CNOT2: variants seen among roughly 807,000 people sequenced by gnomAD.
The protein encoded by CNOT2 is CC chemokine receptor 4-negative regulator of transcription 2.
In CNOT2, 7 loss-of-function variants were observed where a neutral mutation model predicts 72.1. That is an observed-to-expected ratio of 0.10 (90% CI 0.06 to 0.18). The LOEUF (loss-of-function observed/expected upper bound fraction) is 0.18. CNOT2 is among the 10% of genes least tolerant of loss of function. The pLI is 1.00. For synonymous variants in CNOT2, 196 were observed against 225.6 expected (o/e 0.87, Z 1.17); for missense variants, 345 against 660.3 (o/e 0.52, Z 5.23).
chr12:70,353,479 CTTTAT>C (rs1407533101), intron 15 of CNOT2, among the ~76,000 whole-genome samples: 1 of 152,032 alleles, frequency 6.6e-6, no homozygotes, highest in Non-Finnish European at 1.5e-5. Flanking sequence ...TTGAAGGGGG[CTTTAT>C]TTTAAATATC....
intron 1 of CNOT2, among the ~76,000 whole-genome samples, chr12:70,250,929 A>G (rs545464681): frequency 6.1e-4 from 93 of 152,274 alleles, no homozygotes; most frequent in African/African-American, 2.1e-3. Flanking sequence ...TAGGTTTTAC[A>G]AAGAGCAATA....
intron 2 of CNOT2, chr12:70,294,005 C>T (rs1872414109): frequency 1.6e-6 from 1 of 632,176 alleles, no homozygotes; most frequent in African/African-American, 2.0e-5. Context: ...AAGAGGTGAA[C>T]AGGGAGTCAT....
At position 70,354,011 on chromosome 12, in the gene CNOT2, G is replaced by A; in HGVS notation, c.*96G>A. 5 of 1,480,618 alleles carry A rather than the reference G, an allele frequency of 3.4e-6. No homozygotes were observed. The South Asian group carries it at 5.7e-5, about 17-fold the overall frequency. The allele number at this position is 1,480,618 out of a possible 1,614,324, so 91.7% of individuals were successfully genotyped here. A position where few individuals can be genotyped will look rare whatever the true frequency, so the allele number is the denominator to read the frequency against. On this transcript the variant is annotated 3_prime_UTR_variant, in exon 16 of 16. Transcript: ENST00000229195. ...TAACTGCAGAACTGATGTGGCTCAG[G>A]CACCCTGGTTTTAATTCCTTGAGGA...
At chr12:70,249,505 C>T (rs1379970909) in intron 1 of CNOT2, among the ~76,000 whole-genome samples, 2 of 151,880 alleles carry the variant, frequency 1.3e-5, no homozygotes, top group Admixed American at 6.6e-5. Flanking sequence ...AGACTGGACT[C>T]AGAGTCTAAT....
At chr12:70,342,860 G>A (rs1881687757) in intron 13 of CNOT2, among the ~76,000 whole-genome samples, 1 of 151,936 alleles carries the variant, frequency 6.6e-6, no homozygotes, top group Non-Finnish European at 1.5e-5. Context: ...TATTCACAAT[G>A]GTACCTAAAT....
intron 2 of CNOT2, among the ~76,000 whole-genome samples, chr12:70,279,539 G>T (rs1869450392): frequency 6.6e-6 from 1 of 152,124 alleles, no homozygotes; most frequent in African/African-American, 2.4e-5. Flanking sequence ...CTAATGATCT[G>T]TACTCAGGTG....
chr12:70,301,584 G>C (rs188589606), intron 2 of CNOT2: 2 of 152,240 alleles, frequency 1.3e-5, no homozygotes. Flanking sequence ...ACTTGATCAT[G>C]GTGGATAAGC....
intron 4 of CNOT2, among the ~76,000 whole-genome samples, chr12:70,326,845 T>C (rs1244327929): frequency 2.0e-5 from 3 of 151,902 alleles, no homozygotes; most frequent in Non-Finnish European, 2.9e-5. Flanking sequence ...TTTGTGAAGA[T>C]TAATTTTAGA....
chr12:70,307,210 A>T (rs1473982972), intron 2 of CNOT2, among the ~76,000 whole-genome samples: 1 of 152,180 alleles, frequency 6.6e-6, no homozygotes, highest in Non-Finnish European at 1.5e-5. Flanking sequence ...TTCATTCTCG[A>T]ATAATGAGTT....
In CNOT2 at chr12:70,318,771, A is replaced by G. The variant is rs549498775; in HGVS notation, c.172-527A>G. Among the ~76,000 whole-genome samples, 17 of 152,000 alleles carry G rather than the reference A, an allele frequency of 1.1e-4. No homozygotes were observed. The South Asian group carries it at 3.5e-3, about 32-fold the overall frequency. Reference sequence around the variant, plus strand: ...AATATAAGACAGGAAATACGCAAATATGCACACACACATATTTTCATTTAC... The same window carrying G: ...AATATAAGACAGGAAATACGCAAATGTGCACACACACATATTTTCATTTAC... On this transcript the variant is annotated intron_variant, in intron 3 of 15. Coordinates refer to ENST00000229195, the MANE Select transcript of CNOT2 (RefSeq NM_014515.7).
At chr12:70,305,382 C>T (rs1043484901) in intron 2 of CNOT2, among the ~76,000 whole-genome samples, 1 of 152,180 alleles carries the variant, frequency 6.6e-6, no homozygotes, top group Non-Finnish European at 1.5e-5. Flanking sequence ...ATTCAGTCAC[C>T]TCCCACGGGG....
At chr12:70,334,386 G>A (rs1313225292) in intron 7 of CNOT2, 1 of 151,974 alleles carries the variant, frequency 6.6e-6, no homozygotes, top group Non-Finnish European at 1.5e-5. Flanking sequence ...ATTTGAAATT[G>A]TCACCTGTCT....
At chr12:70,254,412 G>A (rs1958318957) in intron 1 of CNOT2, among the ~76,000 whole-genome samples, 1 of 152,102 alleles carries the variant, frequency 6.6e-6, no homozygotes, top group African/African-American at 2.4e-5. Context: ...CATGTCCCAG[G>A]TGGGATGGAG....
intron 14 of CNOT2, 110 bp downstream of exon 14, chr12:70,344,338 G>T (rs923090851): frequency 1.5e-6 from 1 of 656,578 alleles, no homozygotes; most frequent in Admixed American, 2.7e-5. Context: ...TCTCCATCAA[G>T]AAATTTATTT....
chr12:70,296,764 C>T (rs900136701), intron 2 of CNOT2, among the ~76,000 whole-genome samples: 3 of 148,552 alleles, frequency 2.0e-5, no homozygotes, highest in Non-Finnish European at 3.0e-5. Flanking sequence ...TAAGCCCCCC[C>T]CCCTTTTTAA....
At chr12:70,251,347 T>TG (rs1430584749) in intron 1 of CNOT2, among the ~76,000 whole-genome samples, 1 of 151,558 alleles carries the variant, frequency 6.6e-6, no homozygotes, top group Non-Finnish European at 1.5e-5. Flanking sequence ...GTTAACTAGG[T>TG]GGGGGAGGGT....
At chr12:70,332,725 G>A in intron 6 of CNOT2, 42 bp from the exon 7 acceptor site, 2 of 1,550,566 alleles carry the variant, frequency 1.3e-6, no homozygotes, top group Non-Finnish European at 1.7e-6. Context: ...CTGAAAGTTA[G>A]TGTTCTTACT....
chr12:70,286,377 A>G (rs939061754), intron 2 of CNOT2, among the ~76,000 whole-genome samples: 1 of 149,464 alleles, frequency 6.7e-6, no homozygotes, highest in Non-Finnish European at 1.5e-5. Context: ...TAGTCTTTTA[A>G]AAAAGATTTT....
At chr12:70,247,591 A>G (rs1362724833) in intron 1 of CNOT2, among the ~76,000 whole-genome samples, 1 of 152,132 alleles carries the variant, frequency 6.6e-6, no homozygotes, top group East Asian at 1.9e-4. Flanking sequence ...CACTTTCTTC[A>G]TAAATCTTTC....
Sources: allele counts gnomAD v4.1 joint callset (sites outside exome capture counted in the v4.1 genomes callset), GRCh38; gene constraint gnomAD v4.1.1; transcripts MANE v1.5; gene names NCBI Gene and HGNC (gene_info 2026-07-23, HGNC 2026-07-21).